Variants in MAP3K13 observed in about 807,000 individuals in gnomAD.
MAP3K13 encodes the protein leucine zipper-bearing kinase.
A neutral mutation model predicts 104.0 loss-of-function variants in MAP3K13; 52 were observed. The ratio of observed to expected loss-of-function variants is 0.50; its 90% CI spans 0.40 to 0.63. The LOEUF (loss-of-function observed/expected upper bound fraction) is 0.63, where lower values mean the gene tolerates loss of function less well. MAP3K13 is among the 20% of genes least tolerant of loss of function. The pLI is 0.00. For synonymous variants in MAP3K13, 394 were observed against 442.2 expected (o/e 0.89, Z 1.37); for missense variants, 914 against 1,218.5 (o/e 0.75, Z 3.72).
intron 2 of MAP3K13, among the ~76,000 whole-genome samples, chr3:185,297,503 G>A (rs1029918097): frequency 4.6e-5 from 7 of 152,170 alleles, no homozygotes; most frequent in Admixed American, 3.9e-4. Flanking sequence ...GGGAGGACAA[G>A]GCAGGCAGAT....
Position 185,481,807 on chromosome 3 carries a change from G to A in MAP3K13, c.2800-548G>A, listed in dbSNP as rs558978691. 2.2e-4 allele frequency among the ~76,000 whole-genome samples: 34 copies of A among 152,162 alleles called. No individual in the cohort carries two copies. The South Asian group carries it at 4.2e-3, about 19-fold the overall frequency. ...ATGTATTAATAAAGTACTTACCACC[G>A]GGCGCAGTGGCTCATGCCTGTAATC... On this transcript the variant is annotated intron_variant, in intron 13 of 13. Coordinates refer to ENST00000265026, the MANE Select transcript of MAP3K13 (RefSeq NM_004721.5).
intron 2 of MAP3K13, among the ~76,000 whole-genome samples, chr3:185,319,825 CATG>C (rs1721796064): frequency 6.6e-6 from 1 of 152,142 alleles, no homozygotes; most frequent in Non-Finnish European, 1.5e-5. Flanking sequence ...TTTCTCGAAA[CATG>C]ATAATATCAA....
intron 2 of MAP3K13, among the ~76,000 whole-genome samples, chr3:185,312,421 C>T (rs543795566): frequency 6.6e-6 from 1 of 152,308 alleles, no homozygotes; most frequent in South Asian, 2.1e-4. Context: ...TTGGGGATTA[C>T]CCCTCTGGTT....
intron 1 of MAP3K13, among the ~76,000 whole-genome samples, chr3:185,369,544 T>C (rs1260782306): frequency 2.0e-5 from 3 of 152,210 alleles, no homozygotes; most frequent in African/African-American, 7.2e-5. Context: ...CATAAGTGTG[T>C]GGATGCAGAT....
chr3:185,312,890 A>G (rs1369454413), intron 2 of MAP3K13, among the ~76,000 whole-genome samples: 1 of 152,220 alleles, frequency 6.6e-6, no homozygotes, highest in African/African-American at 2.4e-5. Context: ...CTAACAGTAC[A>G]TACGGACATA....
At chr3:185,398,145 A>G (rs377682219) in intron 1 of MAP3K13, among the ~76,000 whole-genome samples, 1 of 152,112 alleles carries the variant, frequency 6.6e-6, no homozygotes, top group South Asian at 2.1e-4. Context: ...GGAGAGGAAC[A>G]TTCGAAAGAG....
At chr3:185,307,629 C>T (rs1275641916) in intron 2 of MAP3K13, among the ~76,000 whole-genome samples, 5 of 138,838 alleles carry the variant, frequency 3.6e-5, no homozygotes, top group East Asian at 2.3e-4. Flanking sequence ...CTGCAACCTC[C>T]GCCTCCCAGG....
chr3:185,465,619 G>A, intron 8 of MAP3K13, 128 bp from the exon 9 acceptor site: 1 of 687,942 alleles, frequency 1.5e-6, no homozygotes, highest in Non-Finnish European at 2.7e-6. Flanking sequence ...ACTGGACAAG[G>A]GAGGCTTAAA....
At chr3:185,383,516 C>T (rs900488993) in intron 1 of MAP3K13, among the ~76,000 whole-genome samples, 9 of 148,692 alleles carry the variant, frequency 6.1e-5, no homozygotes, top group Non-Finnish European at 8.9e-5. Flanking sequence ...GAGTCAAGAT[C>T]GTGCCACTGC....
At chr3:185,321,530 A>C (rs1419313358) in intron 2 of MAP3K13, among the ~76,000 whole-genome samples, 1 of 152,170 alleles carries the variant, frequency 6.6e-6, no homozygotes, top group African/African-American at 2.4e-5. Flanking sequence ...TTTGAATACA[A>C]AGTGTTTATT....
chr3:185,391,020 A>C (rs1260375805), intron 1 of MAP3K13, among the ~76,000 whole-genome samples: 1 of 152,118 alleles, frequency 6.6e-6, no homozygotes, highest in Non-Finnish European at 1.5e-5. Context: ...CAATTTCAAT[A>C]CTGAAGGCAG....
At chr3:185,369,075 C>T (rs1035772678) in intron 1 of MAP3K13, among the ~76,000 whole-genome samples, 2 of 151,800 alleles carry the variant, frequency 1.3e-5, no homozygotes, top group African/African-American at 4.8e-5. Context: ...GTATTAGGTA[C>T]GCAGCAGTGA....
Position 185,488,325 on chromosome 3 carries a change from C to T in MAP3K13, c.*5869C>T, listed in dbSNP as rs571119192. On this transcript the variant is annotated 3_prime_UTR_variant, in exon 14 of 14. Coordinates refer to ENST00000265026, the MANE Select transcript of MAP3K13 (RefSeq NM_004721.5). ...ACTCACACCACCAGTGTCCCACCCT[C>T]ACAGACTGGCACATTAGAATCATAT... 2.0e-5 allele frequency: 3 copies of T among 152,252 alleles called. No individual in the cohort carries two copies. Among genetic ancestry groups the T allele is most frequent in the South Asian group, 4.2e-4 (2 of 4,766 alleles). The allele number at this position is 152,252 out of a possible 1,614,324, so 9.4% of individuals were successfully genotyped here.
intron 1 of MAP3K13, among the ~76,000 whole-genome samples, chr3:185,425,039 AT>A (rs111425306): frequency 6.6e-6 from 1 of 152,050 alleles, no homozygotes; most frequent in Non-Finnish European, 1.5e-5. Flanking sequence ...TAATGTTTGT[AT>A]TTTTTGTACT....
rs527817964 is a variant in MAP3K13, at chr3:185,454,408, A to G, written c.1278+3013A>G. 2.3e-5 allele frequency among the ~76,000 whole-genome samples: 2 copies of G among 87,068 alleles called. 1 individual carries two copies. Among genetic ancestry groups the G allele is most frequent in the Admixed American group, 3.0e-4 (2 of 6,666 alleles). The allele number at this position is 87,068 out of a possible 152,430, so 57.1% of individuals were successfully genotyped here. On this transcript the variant is annotated intron_variant, in intron 7 of 13. Coordinates refer to ENST00000265026, the MANE Select transcript of MAP3K13 (RefSeq NM_004721.5). The stretch of plus-strand genomic sequence containing the variant: ...TATGAGATATATATGAGATATATAT[A>G]TGAGATATATGAGATATATATGATA...
chr3:185,376,989 T>C (rs1160735447), intron 1 of MAP3K13, among the ~76,000 whole-genome samples: 2 of 151,854 alleles, frequency 1.3e-5, no homozygotes, highest in Non-Finnish European at 2.9e-5. Context: ...GGATGAAGGG[T>C]GCAAGGAATA....
chr3:185,303,170 C>T (rs889463204), intron 2 of MAP3K13, among the ~76,000 whole-genome samples: 4 of 152,026 alleles, frequency 2.6e-5, no homozygotes, highest in Non-Finnish European at 4.4e-5. Flanking sequence ...CCTTGTGTTC[C>T]GAGAATAAAT....
chr3:185,417,516 C>T lies in MAP3K13; in HGVS notation c.-85-10981C>T, dbSNP rs560036395. ...GAGTTTATGCAGCAGGCTTCTTTTC[C>T]TCTGTAGTAGGTTTCTTTTCTGCAG... is the stretch of plus-strand genomic sequence containing the variant. On this transcript the variant is annotated intron_variant, in intron 1 of 13. Transcript: ENST00000265026. 47 of 1,602,734 alleles carry T rather than the reference C, an allele frequency of 2.9e-5. No homozygotes were observed. In the South Asian group the frequency reaches 4.4e-4, roughly 15 times the overall value.
rs115843426 is a variant in MAP3K13, at chr3:185,468,864, C to T, written c.1643+1901C>T. ...GTACTAATTAGGGACAGAGTCTGCC[C>T]GATGGCTGCTCCCTGCCTTCTGCCT... On this transcript the variant is annotated intron_variant, in intron 10 of 13. Coordinates refer to ENST00000265026, the MANE Select transcript of MAP3K13 (RefSeq NM_004721.5). Among the ~76,000 whole-genome samples the T allele has an allele frequency of 2.4e-3, 367 of 152,310 alleles. 2 individuals carry two copies. Among genetic ancestry groups the T allele is most frequent in the African/African-American group, 8.2e-3 (342 of 41,566 alleles).
Sources: gnomAD v4.1 joint callset for allele counts (sites outside exome capture counted in the v4.1 genomes callset) on GRCh38, gnomAD v4.1.1 for gene constraint, MANE v1.5 for transcripts, NCBI Gene and HGNC (gene_info 2026-07-23, HGNC 2026-07-21) for gene names.